Variants in NXNL2 observed in about 807,000 individuals in gnomAD.
NXNL2 encodes the protein nucleoredoxin like 2, also known as nucleoredoxin-like protein 2.
A neutral mutation model predicts 11.1 loss-of-function variants in NXNL2; 7 were observed. The observed-to-expected ratio is 0.63, with a 90% confidence interval of 0.36 to 1.18. The LOEUF is 1.18. Ranked by LOEUF, NXNL2 falls within the 50% of genes most tolerant of loss-of-function variation. The pLI is 0.02. For synonymous variants in NXNL2, 109 were observed against 101.8 expected, an observed-to-expected ratio of 1.07 and a Z score of -0.42; for missense variants, 233 against 217.7, an observed-to-expected ratio of 1.07 and a Z score of -0.44.
intron 1 of NXNL2, among the ~76,000 whole-genome samples, chr9:88,566,217 C>T (rs1364253237): frequency 2.0e-5 from 3 of 151,602 alleles, no homozygotes; most frequent in African/African-American, 7.3e-5. Flanking sequence ...CTATTTTTGC[C>T]TTAGTTATCT....
At chr9:88,546,791 G>A (rs1368465961), downstream of NXNL2, among the ~76,000 whole-genome samples, 1 of 152,058 alleles carries the variant, frequency 6.6e-6, no homozygotes, top group Non-Finnish European at 1.5e-5. Flanking sequence ...TTCTTTCCGA[G>A]AACTGTGTAA....
chr9:88,536,090 A>T (rs897850002), intron 1 of NXNL2, among the ~76,000 whole-genome samples: 5 of 151,880 alleles, frequency 3.3e-5, no homozygotes, highest in Non-Finnish European at 7.4e-5. Context: ...GGCTCCGGGA[A>T]CCGCCGGCCC....
In NXNL2 at chr9:88,535,552, C is replaced by G; in HGVS notation, c.118C>G (p.Pro40Ala). The change falls in exon 1 of 2, where the codon CCG becomes GCG. Residue 40 changes from proline to alanine, a missense_variant. Coordinates refer to ENST00000375854, the MANE Select transcript of NXNL2 (RefSeq NM_001161625.2). ...GTACTTCGCGGCGGCCCGGTGCGCGCCGAGCCGCGACTTCACGCCGCTGCT... is the reference window on the plus strand; with the variant it reads ...GTACTTCGCGGCGGCCCGGTGCGCGGCGAGCCGCGACTTCACGCCGCTGCT... ...ALYFAAARCA[P>A]SRDFTPLLCD... 1 of 1,605,116 alleles carries G rather than the reference C, an allele frequency of 6.2e-7. No homozygotes were observed. Among genetic ancestry groups the G allele is most frequent in the Non-Finnish European group, 8.5e-7 (1 of 1,178,190 alleles).
rs2118378001 is a variant in NXNL2 at position 88,535,701 on chromosome 9, C to T, written c.267C>T (p.Ala89=). The T allele has an allele frequency of 6.3e-7, 1 of 1,595,180 alleles. No individual in the cohort carries two copies. Among genetic ancestry groups the T allele is most frequent in the Non-Finnish European group, 8.5e-7 (1 of 1,174,424 alleles). Residue 89 remains alanine, a synonymous_variant, in exon 1 of 2, where the codon GCC becomes GCT. Coordinates refer to ENST00000375854, the MANE Select transcript of NXNL2 (RefSeq NM_001161625.2). ...ACTTCATGCGCGAGCTGCATGGCGC[C>T]TGGCTGGCGCTGCCCTTCCACGACC... ...MLDFMRELHG[A]WLALPFHDPY... is the part of the protein sequence containing the mutation.
At chr9:88,552,607 AC>A (rs1282191052) in intron 1 of NXNL2, among the ~76,000 whole-genome samples, 2 of 151,666 alleles carry the variant, frequency 1.3e-5, no homozygotes, top group African/African-American at 4.8e-5. Context: ...AGTAGCTGGG[AC>A]TACAGGTGCC....
chr9:88,554,196 CTTTA>C (rs1829982325), intron 1 of NXNL2, among the ~76,000 whole-genome samples: 1 of 151,980 alleles, frequency 6.6e-6, no homozygotes, highest in South Asian at 2.1e-4. Context: ...CACCATGGCC[CTTTA>C]TTTATTTTTA....
At chr9:88,573,047 C>T (rs553246339) in intron 2 of NXNL2, among the ~76,000 whole-genome samples, 1 of 152,310 alleles carries the variant, frequency 6.6e-6, no homozygotes, top group South Asian at 2.1e-4. Flanking sequence ...GCCGATTTAC[C>T]TGTGGGCTAG....
chr9:88,580,072 G>A (rs1830392508), downstream of NXNL2, among the ~76,000 whole-genome samples: 2 of 151,956 alleles, frequency 1.3e-5, no homozygotes, highest in African/African-American at 2.4e-5. Flanking sequence ...CTGGGAGGCA[G>A]AGGTTGCAGT....
chr9:88,567,958 C>T (rs892138943), intron 1 of NXNL2, among the ~76,000 whole-genome samples: 4 of 152,122 alleles, frequency 2.6e-5, no homozygotes, highest in Non-Finnish European at 4.4e-5. Flanking sequence ...GGTGCCAGTC[C>T]CTCCTTAAAT....
At chr9:88,535,839 C>T (rs530501561) in intron 1 of NXNL2, 103 bp downstream of exon 1, 2 of 854,948 alleles carry the variant, frequency 2.3e-6, no homozygotes, top group Non-Finnish European at 3.5e-6. Flanking sequence ...ACGCCCCCCC[C>T]CAACACCTCC....
At chr9:88,570,168 G>T (rs1830239403) in intron 1 of NXNL2, among the ~76,000 whole-genome samples, 1 of 151,802 alleles carries the variant, frequency 6.6e-6, no homozygotes, top group Admixed American at 6.6e-5. Context: ...GTCCAGGCTG[G>T]AGTGCAGGGG....
chr9:88,558,866 G>A (rs767525460), intron 1 of NXNL2, among the ~76,000 whole-genome samples: 2 of 152,068 alleles, frequency 1.3e-5, no homozygotes, highest in African/African-American at 2.4e-5. Context: ...TCTACCTGTA[G>A]GGGCTTAGGT....
At chr9:88,559,322 G>A (rs117320934) in intron 1 of NXNL2, among the ~76,000 whole-genome samples, 3,893 of 152,232 alleles carry the variant, frequency 0.026, 92 homozygotes, top group East Asian at 0.085. Flanking sequence ...GCTCTCTGGA[G>A]GCTGAAAGCT....
Position 88,544,362 on chromosome 9 carries a change from A to C in NXNL2, c.303-17A>C. 1.3e-6 allele frequency: 2 copies of C among 1,549,296 alleles called. No individual in the cohort carries two copies. The highest frequency in any genetic ancestry group is 1.4e-5 in the African/African-American group (1 of 72,852). Reference sequence around the variant, plus strand: ...ATGTGGGAGTGCTAACTTCGGTACCACTCTTCTGTCCTGCAGTGAGCTGAG... The same window carrying C: ...ATGTGGGAGTGCTAACTTCGGTACCCCTCTTCTGTCCTGCAGTGAGCTGAG... On this transcript the variant is annotated splice_polypyrimidine_tract_variant and intron_variant, in intron 1 of 1. Coordinates refer to ENST00000375854, the MANE Select transcript of NXNL2 (RefSeq NM_001161625.2).
At chr9:88,569,644 A>C (rs2118527192) in intron 1 of NXNL2, among the ~76,000 whole-genome samples, 1 of 152,292 alleles carries the variant, frequency 6.6e-6, no homozygotes. Context: ...ATTGTTATTA[A>C]GTGTTTTAAA....
downstream of NXNL2, among the ~76,000 whole-genome samples, chr9:88,576,494 A>G (rs1830350217): frequency 2.0e-5 from 3 of 152,184 alleles, no homozygotes; most frequent in Admixed American, 6.5e-5. Flanking sequence ...TGCTGAAGAT[A>G]AAGTCTCCCA....
At chr9:88,550,689 A>T (rs1386069940) in intron 1 of NXNL2, among the ~76,000 whole-genome samples, 1 of 152,128 alleles carries the variant, frequency 6.6e-6, no homozygotes, top group Admixed American at 6.5e-5. Context: ...TGTGGGTGTG[A>T]CTTCCTCCAG....
chr9:88,571,499 G>T (rs934342422), intron 2 of NXNL2, among the ~76,000 whole-genome samples: 2 of 152,200 alleles, frequency 1.3e-5, no homozygotes, highest in Non-Finnish European at 2.9e-5. Flanking sequence ...CTTAAAGCTA[G>T]CTGGCAGAAT....
downstream of NXNL2, chr9:88,545,053 C>T (rs947087445): frequency 1.0e-5 from 2 of 192,232 alleles, no homozygotes; most frequent in Non-Finnish European, 1.9e-5. Flanking sequence ...AAATACCATG[C>T]TTAAATATGT....
Sources: allele counts gnomAD v4.1 joint callset (sites outside exome capture counted in the v4.1 genomes callset), GRCh38; gene constraint gnomAD v4.1.1; transcripts MANE v1.5; gene names NCBI Gene and HGNC (gene_info 2026-07-23, HGNC 2026-07-21).